The following MAP4 variants were observed in gnomAD, a reference collection of about 807,000 sequenced individuals.
MAP4 encodes the protein microtubule associated protein 4, also known as microtubule-associated protein 4.
MAP4 carries 76 observed loss-of-function variants against 170.2 expected under a neutral mutation model. The observed-to-expected ratio is 0.45, with a 90% CI of 0.37 to 0.54. MAP4 has a LOEUF of 0.54. Ranked by LOEUF, MAP4 falls within the 20% of genes least tolerant of loss-of-function variation. MAP4 has a pLI of 0.00. For synonymous variants in MAP4, 909 were observed against 994.5 expected, an observed-to-expected ratio of 0.91 and a Z score of 1.62; for missense variants, 2,506 against 2,748.0, an observed-to-expected ratio of 0.91 and a Z score of 1.97.
At chr3:48,052,501 T>C (rs2100128474) in intron 1 of MAP4, among the ~76,000 whole-genome samples, 1 of 152,194 alleles carries the variant, frequency 6.6e-6, no homozygotes, top group African/African-American at 2.4e-5. Context: ...GGATTACTGG[T>C]GTGAGCCACC....
At chr3:48,066,718 T>C (rs909403430) in intron 1 of MAP4, among the ~76,000 whole-genome samples, 25 of 151,864 alleles carry the variant, frequency 1.6e-4, no homozygotes, top group Non-Finnish European at 3.1e-4. Flanking sequence ...TTTTCTTATC[T>C]GCAGGAGGTC....
chr3:47,853,296 C>A lies in MAP4; in HGVS notation c.6753G>T (p.Glu2251Asp). 6.2e-7 allele frequency: 1 copy of A among 1,611,012 alleles called. No homozygotes were observed. The highest frequency in any genetic ancestry group is 1.1e-5 in the South Asian group (1 of 90,946). Residue 2251 changes from glutamate (E) to aspartate (D), a missense_variant, in exon 20 of 21, where the codon GAG becomes GAT. By Grantham distance (45) the Glu-to-Asp change is conservative (BLOSUM62 2). Coordinates refer to ENST00000683076, the MANE Select transcript of MAP4 (RefSeq NM_001385682.1). ...CAGGCGCTGCCTCAGAGATGGCCGG[C>A]TCCTCCCCAGCAGGGGGACCCGGAC... ...PLCPGPPAGE[E>D]PAISEAAPEA...
intron 1 of MAP4, among the ~76,000 whole-genome samples, chr3:48,000,209 C>T (rs1287577063): frequency 1.7e-5 from 2 of 117,616 alleles, no homozygotes; most frequent in African/African-American, 3.4e-5. Context: ...AGGAAGTCTC[C>T]GACTCCCCCA....
intron 1 of MAP4, among the ~76,000 whole-genome samples, chr3:48,022,386 G>A (rs1374661431): frequency 6.6e-6 from 1 of 152,250 alleles, no homozygotes. Flanking sequence ...CGGCAAGGTG[G>A]CAAGAAGGGA....
intron 17 of MAP4, among the ~76,000 whole-genome samples, chr3:47,866,753 C>A (rs933019955): frequency 2.0e-5 from 3 of 151,832 alleles, no homozygotes; most frequent in African/African-American, 7.3e-5. Context: ...GACTTCATCT[C>A]AAAAAAACGT....
Position 47,918,856 on chromosome 3 carries a change from C to T in MAP4, c.530-15G>A. The T allele has an allele frequency of 6.2e-7, 1 of 1,601,256 alleles. No homozygotes were observed. Among genetic ancestry groups the T allele is most frequent in the Non-Finnish European group, 8.5e-7 (1 of 1,171,514 alleles). The stretch of plus-strand genomic sequence containing the variant: ...GGGAGACATACCTAATATTGAAACA[C>T]AAACAAATACATTTTGAAACTTAGT... On this transcript the variant is annotated splice_polypyrimidine_tract_variant and intron_variant, in intron 5 of 20. Transcript: ENST00000683076.
chr3:47,863,937 T>TGTGGGGGG (rs374208589), intron 17 of MAP4, among the ~76,000 whole-genome samples: 2 of 138,344 alleles, frequency 1.4e-5, no homozygotes, highest in African/African-American at 2.7e-5. Context: ...TGTGTGTGTG[T>TGTGGGGGG]GGGGAGTGGT....
At chr3:47,928,484 TTTTTC>T (rs1382414664) in intron 3 of MAP4, 134 bp from the exon 4 acceptor site, 2 of 857,352 alleles carry the variant, frequency 2.3e-6, no homozygotes, top group African/African-American at 3.4e-5. Context: ...CAAGAAAACT[TTTTTC>T]TTTTAATTGA....
intron 1 of MAP4, among the ~76,000 whole-genome samples, chr3:48,008,636 T>A (rs1229620869): frequency 6.6e-6 from 1 of 152,184 alleles, no homozygotes; most frequent in East Asian, 1.9e-4. Flanking sequence ...AAAGACAAGA[T>A]ATTTGTATCC....
At chr3:47,898,320 G>C (rs1437674766) in intron 10 of MAP4, among the ~76,000 whole-genome samples, 1 of 152,000 alleles carries the variant, frequency 6.6e-6, no homozygotes, top group African/African-American at 2.4e-5. Context: ...TGGCCAACGT[G>C]ATGAAACCCT....
chr3:48,062,494 TAAAAAAAAAA>T (rs1156947592), intron 1 of MAP4, among the ~76,000 whole-genome samples: 3 of 81,554 alleles, frequency 3.7e-5, no homozygotes, highest in Non-Finnish European at 2.2e-5. Context: ...GAATGATCAA[TAAAAAAAAAA>T]AAAAAAAAAA....
intron 8 of MAP4, among the ~76,000 whole-genome samples, chr3:47,914,504 C>T (rs180767438): frequency 6.7e-6 from 1 of 150,170 alleles, no homozygotes; most frequent in Non-Finnish European, 1.5e-5. Context: ...GAGCCAAGAT[C>T]ACGCCATTGC....
At chr3:47,875,600 G>A in intron 12 of MAP4, 85 bp downstream of exon 12, 1 of 1,223,646 alleles carries the variant, frequency 8.2e-7, no homozygotes. Flanking sequence ...GCCTGATTCT[G>A]TTGTCTGTTA....
intron 1 of MAP4, among the ~76,000 whole-genome samples, chr3:48,045,725 T>C (rs1559848698): frequency 6.6e-6 from 1 of 152,248 alleles, no homozygotes; most frequent in Non-Finnish European, 1.5e-5. Flanking sequence ...CATCATACAA[T>C]AGAGACGGGG....
chr3:48,071,559 G>A, intron 1 of MAP4, among the ~76,000 whole-genome samples: 1 of 152,146 alleles, frequency 6.6e-6, no homozygotes, highest in African/African-American at 2.4e-5. Context: ...AAGAAAAAAA[G>A]AAAAGAGAAA....
chr3:47,911,504 C>A lies in MAP4; in HGVS notation c.2917G>T (p.Val973Leu). 1.3e-6 allele frequency: 2 copies of A among 1,535,900 alleles called. No individual in the cohort carries two copies. The highest frequency in any genetic ancestry group is 8.7e-7 in the Non-Finnish European group (1 of 1,146,844). Residue 973 changes from valine to leucine, a missense_variant, in exon 9 of 21, where the codon GTA becomes TTA. Transcript: ENST00000683076. This position sits in a 1 kb window ranked among gnomAD's most constrained non-coding sequence, Gnocchi z 4.0. Reference sequence around the variant, plus strand: ...GGATTACTTGCTATCAAAGTGGGTACCAAATTTGGTATTTCTTTTGCTGCT... The same window carrying A: ...GGATTACTTGCTATCAAAGTGGGTAACAAATTTGGTATTTCTTTTGCTGCT... ...PTAAKEIPNL[V>L]PTLIASNPLE...
Position 47,916,207 on chromosome 3 carries a change from C to A in MAP4, c.1620G>T (p.Met540Ile). 2.5e-6 allele frequency: 4 copies of A among 1,614,178 alleles called. No homozygotes were observed. The highest frequency in any genetic ancestry group is 3.4e-6 in the Non-Finnish European group (4 of 1,180,032). Residue 540 changes from methionine (M) to isoleucine (I), a missense_variant, in exon 7 of 21, where the codon ATG (methionine) becomes ATT (isoleucine). Met to Ile is a conservative substitution (Grantham distance 10). This residue lies in a region of MAP4 where 2,008 missense variants were observed against 2,206.0 expected (regional missense o/e 0.91). Coordinates refer to ENST00000683076, the MANE Select transcript of MAP4 (RefSeq NM_001385682.1). ...LIKNVCLPPE[M>I]EVALTEDQVP... is the part of the protein sequence containing the mutation. ...CCTGATCCTCAGTCAGGGCCACCTC[C>A]ATTTCTGGAGGCAGACATACGTTCT...
chr3:47,890,774 CA>C (rs1014503963), intron 10 of MAP4, among the ~76,000 whole-genome samples: 13 of 152,136 alleles, frequency 8.5e-5, no homozygotes, highest in Admixed American at 1.3e-4. Flanking sequence ...CATTCCACCC[CA>C]AACTTGCACA....
chr3:48,084,434 G>C (rs141597986), intron 1 of MAP4, among the ~76,000 whole-genome samples: 1 of 150,772 alleles, frequency 6.6e-6, no homozygotes, highest in Non-Finnish European at 1.5e-5. Context: ...TAATTGTGTT[G>C]ACTTTCAACC....
Sources: gnomAD v4.1 joint callset for allele counts (sites outside exome capture counted in the v4.1 genomes callset) on GRCh38, gnomAD v4.1.1 for gene constraint, gnomAD v4.1.1 regional missense constraint, Gnocchi (gnomAD v3.1) non-coding constraint, MANE v1.5 for transcripts, NCBI Gene and HGNC (gene_info 2026-07-23, HGNC 2026-07-21) for gene names.